The following SLC38A6 variants were observed in gnomAD, a reference collection of about 807,000 sequenced individuals.
SLC38A6 encodes the protein solute carrier family 38 member 6, also known as N system amino acid transporter NAT-1.
SLC38A6 carries 73 observed loss-of-function variants against 65.0 expected under a neutral mutation model. That is an observed-to-expected ratio of 1.12 (90% CI 0.93 to 1.37). The LOEUF (loss-of-function observed/expected upper bound fraction) is 1.37, where lower values mean the gene tolerates loss of function less well. Among genes scored for constraint, SLC38A6 ranks in the 40% most tolerant of loss-of-function variants. The pLI, the probability that SLC38A6 is intolerant of heterozygous loss-of-function variation, is 0.00. For missense variants in SLC38A6, 561 were observed against 531.1 expected, an observed-to-expected ratio of 1.06 and a Z score of -0.55; for synonymous variants, 183 against 178.8, an observed-to-expected ratio of 1.02 and a Z score of -0.19.
intron 3 of SLC38A6, among the ~76,000 whole-genome samples, chr14:61,005,394 C>A (rs1236711381): frequency 1.7e-5 from 2 of 115,104 alleles, no homozygotes; most frequent in Non-Finnish European, 2.0e-5. Flanking sequence ...GTCAAATTGT[C>A]CCTGTTTGCA....
chr14:61,043,693 CTT>C (rs34559752), intron 10 of SLC38A6, among the ~76,000 whole-genome samples, 190 bp downstream of exon 10: 231 of 107,320 alleles, frequency 2.2e-3, no homozygotes, highest in African/African-American at 7.6e-3. Flanking sequence ...AAACAGCCAC[CTT>C]TTTTTTTTTT....
chr14:61,070,689 G>A (rs2043199329), intron 15 of SLC38A6, among the ~76,000 whole-genome samples: 1 of 152,158 alleles, frequency 6.6e-6, no homozygotes, highest in South Asian at 2.1e-4. Context: ...GTGCACGAGG[G>A]TTCCAATTTC....
At chr14:61,004,776 C>T (rs577940626) in intron 3 of SLC38A6, 1 of 152,436 alleles carries the variant, frequency 6.6e-6, no homozygotes, top group Non-Finnish European at 1.5e-5. Flanking sequence ...GAACTGGTAC[C>T]GTTCCTTCTG....
intron 3 of SLC38A6, among the ~76,000 whole-genome samples, chr14:60,991,884 AAG>A (rs1385269874): frequency 6.6e-6 from 1 of 152,188 alleles, no homozygotes; most frequent in East Asian, 1.9e-4. Flanking sequence ...AGAGAGCAGA[AAG>A]AGAGAAAGGG....
chr14:61,028,481 ATAT>A (rs1228356921), intron 5 of SLC38A6, among the ~76,000 whole-genome samples: 3 of 152,154 alleles, frequency 2.0e-5, no homozygotes, highest in African/African-American at 7.2e-5. Context: ...AATCGGTAAA[ATAT>A]TATAAAAACT....
At chr14:61,024,643 C>A (rs933466473) in intron 5 of SLC38A6, among the ~76,000 whole-genome samples, 3 of 152,158 alleles carry the variant, frequency 2.0e-5, no homozygotes, top group Non-Finnish European at 2.9e-5. Context: ...TTATGTGATT[C>A]TTTTCTTAAA....
intron 12 of SLC38A6, 129 bp from the exon 13 acceptor site, chr14:61,050,383 A>C: frequency 4.0e-6 from 2 of 502,018 alleles, no homozygotes; most frequent in Non-Finnish European, 6.4e-6. Context: ...TTCATAGGCT[A>C]GGGGAAAGGC....
Position 61,015,938 on chromosome 14 carries a change from A to G in SLC38A6, c.345A>G (p.Ala115=). ...VTSYEDLGLF[A]FGLPGKLVVA... ...CTTATGAAGATCTTGGACTCTTTGC[A>G]TTTGGATTACCTGGAAAGGTAATTT... The change falls in exon 4 of 16, where the codon GCA becomes GCG. Residue 115 remains alanine (A), a synonymous_variant. Transcript: ENST00000267488. 3 of 1,607,908 alleles carry G rather than the reference A, an allele frequency of 1.9e-6. No individual in the cohort carries two copies. Among genetic ancestry groups the G allele is most frequent in the Non-Finnish European group, 2.5e-6 (3 of 1,178,506 alleles).
rs1415824258 is a variant in SLC38A6, at chr14:61,064,385, T to TG, written c.1290+12255dup. ...CTGCAACAGATGCAAGGATGCCCCC[T>TG]GGGGGCAATTGTTAAGTGTGATGAC... On this transcript the variant is annotated intron_variant, in intron 15 of 16. Coordinates refer to the SLC38A6 transcript ENST00000354886. Among the ~76,000 whole-genome samples, 3 of 152,124 alleles carry TG rather than the reference T, an allele frequency of 2.0e-5. No individual in the cohort carries two copies. In the East Asian group the frequency reaches 5.8e-4, roughly 29 times the overall value.
chr14:60,991,962 G>A (rs2037923875), intron 3 of SLC38A6, among the ~76,000 whole-genome samples: 1 of 151,976 alleles, frequency 6.6e-6, no homozygotes, highest in Admixed American at 6.6e-5. Flanking sequence ...TATGCCCGAT[G>A]GCCATACTAA....
chr14:60,984,705 G>T, intron 2 of SLC38A6, 25 bp from the exon 3 acceptor site: 2 of 1,612,602 alleles, frequency 1.2e-6, no homozygotes, highest in South Asian at 2.2e-5. Context: ...GGGAGGTTTT[G>T]ACCAGGTGTT....
intron 8 of SLC38A6, among the ~76,000 whole-genome samples, chr14:61,040,342 T>G (rs1214181359): frequency 6.7e-6 from 1 of 149,688 alleles, no homozygotes; most frequent in Non-Finnish European, 1.5e-5. Context: ...TGGATAATTT[T>G]TTTTTTTTTT....
chr14:61,037,060 T>G lies in SLC38A6; in HGVS notation c.484T>G (p.Tyr162Asp), dbSNP rs1358242222. The G allele has an allele frequency of 1.2e-6, 2 of 1,609,630 alleles. No homozygotes were observed. Among genetic ancestry groups the G allele is most frequent in the South Asian group, 2.2e-5 (2 of 90,942 alleles). ...AEFLTGDYSR[Y>D]WYLDGQTLLI... ...AAAGTAGAACTTTTTTTATAATAGA[T>G]ATTGGTATCTTGATGGACAAACACT... Residue 162 changes from tyrosine (Y) to aspartate (D), a missense_variant and splice_region_variant, in exon 7 of 16, where the codon TAT (tyrosine) becomes GAT (aspartate). Transcript: ENST00000267488.
chr14:61,019,963 C>G (rs536720806), intron 5 of SLC38A6, among the ~76,000 whole-genome samples: 1 of 151,990 alleles, frequency 6.6e-6, no homozygotes, highest in African/African-American at 2.4e-5. Context: ...ATTAGTGTTC[C>G]GTGGGCTGTG....
chr14:61,029,797 A>T (rs945282390), intron 5 of SLC38A6, among the ~76,000 whole-genome samples: 1 of 152,178 alleles, frequency 6.6e-6, no homozygotes, highest in Non-Finnish European at 1.5e-5. Context: ...AAAAGTTGGA[A>T]GTTTTGTCTT....
At chr14:60,984,186 T>C (rs1478278407) in intron 2 of SLC38A6, among the ~76,000 whole-genome samples, 1 of 152,244 alleles carries the variant, frequency 6.6e-6, no homozygotes, top group Non-Finnish European at 1.5e-5. Context: ...GTGTGTTAAC[T>C]ACATTATTTT....
At chr14:61,031,436 G>A (rs976361959) in intron 6 of SLC38A6, among the ~76,000 whole-genome samples, 10 of 152,016 alleles carry the variant, frequency 6.6e-5, no homozygotes, top group African/African-American at 2.4e-4. Flanking sequence ...TTAGACAACT[G>A]CAAATACATA....
chr14:61,080,079 C>G (rs1476884047), intron 16 of SLC38A6, among the ~76,000 whole-genome samples: 1 of 152,140 alleles, frequency 6.6e-6, no homozygotes, highest in East Asian at 1.9e-4. Flanking sequence ...TGAGATTGGG[C>G]ACCATGAACA....
intron 3 of SLC38A6, among the ~76,000 whole-genome samples, chr14:60,986,171 T>TA (rs1240096497): frequency 6.6e-6 from 1 of 152,250 alleles, no homozygotes; most frequent in Non-Finnish European, 1.5e-5. Context: ...TTAAGAATTT[T>TA]AAGACTCTTC....
Sources: allele counts gnomAD v4.1 joint callset (sites outside exome capture counted in the v4.1 genomes callset), GRCh38; gene constraint gnomAD v4.1.1; transcripts MANE v1.5; gene names NCBI Gene and HGNC (gene_info 2026-07-23, HGNC 2026-07-21).